TES: variants seen among roughly 807,000 people sequenced by gnomAD.
TES encodes the protein testin.
In TES, 41 loss-of-function variants were observed where a neutral mutation model predicts 48.2. The ratio of observed to expected loss-of-function variants is 0.85; its 90% CI spans 0.66 to 1.10. The LOEUF (loss-of-function observed/expected upper bound fraction) is 1.10. Ranked by LOEUF, TES falls within the 50% of genes least tolerant of loss-of-function variation. The pLI, the probability that TES is intolerant of heterozygous loss-of-function variation, is 0.00. For missense variants in TES, 463 were observed against 515.1 expected, an observed-to-expected ratio of 0.90 and a Z score of 0.98; for synonymous variants, 162 against 174.9, an observed-to-expected ratio of 0.93 and a Z score of 0.58.
At chr7:116,223,219 T>C (rs932110641) in intron 1 of TES, among the ~76,000 whole-genome samples, 1 of 152,184 alleles carries the variant, frequency 6.6e-6, no homozygotes, top group African/African-American at 2.4e-5. Context: ...CCTAATAATA[T>C]TGTAAGGTTA....
At chr7:116,223,292 A>G (rs774217184) in intron 1 of TES, among the ~76,000 whole-genome samples, 6 of 152,152 alleles carry the variant, frequency 3.9e-5, no homozygotes, top group South Asian at 2.1e-4. Context: ...TGTAAATACT[A>G]CCTAATTTGA....
At chr7:116,212,999 C>A (rs1319611398) in intron 1 of TES, among the ~76,000 whole-genome samples, 1 of 152,096 alleles carries the variant, frequency 6.6e-6, no homozygotes, top group African/African-American at 2.4e-5. Flanking sequence ...ATTAAAAAAC[C>A]GCAGAGATGT....
In TES at chr7:116,257,315, G is replaced by T; in HGVS notation, c.1099G>T (p.Ala367Ser). 6.2e-7 allele frequency: 1 copy of T among 1,612,094 alleles called. No homozygotes were observed. Among genetic ancestry groups the T allele is most frequent in the Non-Finnish European group, 8.5e-7 (1 of 1,179,212 alleles). The stretch of plus-strand genomic sequence containing the variant: ...ATAGGTGTGTCAAGGATGCCACAAT[G>T]CCATCGACCCAGAAGTGCAGCGGGT... Reference protein sequence around the residue: ...HAVVCQGCHNAIDPEVQRVTY... With the variant: ...HAVVCQGCHNSIDPEVQRVTY... The change falls in exon 7 of 7, where the codon GCC (alanine) becomes TCC (serine). Residue 367 changes from alanine (A) to serine (S), a missense_variant. Coordinates refer to ENST00000358204, the MANE Select transcript of TES (RefSeq NM_015641.4).
chr7:116,238,101 T>A (rs1485472174), intron 2 of TES: 1 of 152,196 alleles, frequency 6.6e-6, no homozygotes, highest in East Asian at 1.9e-4. Context: ...TTTTATCACC[T>A]TGTATACTTA....
At chr7:116,225,876 A>G (rs1424100034) in intron 1 of TES, among the ~76,000 whole-genome samples, 3 of 152,222 alleles carry the variant, frequency 2.0e-5, no homozygotes, top group Non-Finnish European at 4.4e-5. Flanking sequence ...TTTATGACCT[A>G]TCTTGAGGCA....
chr7:116,245,692 C>T (rs1179127547), intron 2 of TES, among the ~76,000 whole-genome samples: 4 of 152,122 alleles, frequency 2.6e-5, no homozygotes, highest in African/African-American at 7.2e-5. Context: ...CAGCACCACA[C>T]CCTTTAAAGT....
At chr7:116,215,601 T>A (rs1228759976) in intron 1 of TES, among the ~76,000 whole-genome samples, 1 of 152,162 alleles carries the variant, frequency 6.6e-6, no homozygotes, top group Non-Finnish European at 1.5e-5. Flanking sequence ...TCTCCCAACT[T>A]CCTGACTTTT....
intron 1 of TES, among the ~76,000 whole-genome samples, chr7:116,233,646 A>G (rs1484179718): frequency 6.6e-6 from 1 of 152,234 alleles, no homozygotes; most frequent in African/African-American, 2.4e-5. Context: ...AGATATAAGT[A>G]AAGTACTTAC....
At chr7:116,254,535 A>T (rs112016811) in intron 6 of TES, among the ~76,000 whole-genome samples, 50,078 of 151,884 alleles carry the variant, frequency 0.33, 8,635 homozygotes, top group East Asian at 0.58. Flanking sequence ...GGAGTTCGAG[A>T]CCAGCCTGGC....
chr7:116,254,756 ATATG>A (rs1339353488), intron 6 of TES, among the ~76,000 whole-genome samples: 3,346 of 143,154 alleles, frequency 0.023, 54 homozygotes, highest in East Asian at 0.074. Flanking sequence ...AAATATATAT[ATATG>A]TGTGTGTGTG....
chr7:116,248,208 C>T (rs1238195314), intron 2 of TES, among the ~76,000 whole-genome samples: 2 of 152,046 alleles, frequency 1.3e-5, no homozygotes, highest in Non-Finnish European at 2.9e-5. Flanking sequence ...TTTCTTTATC[C>T]AGTCTACCAT....
rs1023297092 is a variant in TES, at chr7:116,210,796, C to T, written c.27+62C>T. On this transcript the variant is annotated intron_variant, in intron 1 of 6. Transcript: ENST00000358204. ...CCTGCGCGGGTCGCGCGGCGCGCGG[C>T]GGCCGGAGGTGCCGAGGTGGGTGGG... is the stretch of plus-strand genomic sequence containing the variant. The T allele has an allele frequency of 9.0e-6, 11 of 1,223,580 alleles. No homozygotes were observed. In the African/African-American group the frequency reaches 9.5e-5, roughly 11 times the overall value. The allele number at this position is 1,223,580 out of a possible 1,614,324, so 75.8% of individuals were successfully genotyped here. A position where few individuals can be genotyped will look rare whatever the true frequency, so the allele number is the denominator to read the frequency against.
chr7:116,215,788 A>G (rs758747952), intron 1 of TES, among the ~76,000 whole-genome samples: 20 of 152,202 alleles, frequency 1.3e-4, no homozygotes, highest in Non-Finnish European at 2.6e-4. Flanking sequence ...CCTTACACAT[A>G]GCATGAGTAG....
intron 2 of TES, among the ~76,000 whole-genome samples, chr7:116,237,493 A>C (rs1410562481): frequency 2.0e-5 from 3 of 151,436 alleles, no homozygotes; most frequent in Non-Finnish European, 4.4e-5. Flanking sequence ...CCTTCCAAGC[A>C]CTCTATGATC....
chr7:116,226,343 A>T (rs768398440), intron 1 of TES, among the ~76,000 whole-genome samples: 1 of 152,186 alleles, frequency 6.6e-6, no homozygotes, highest in African/African-American at 2.4e-5. Flanking sequence ...TGCCAAGGGG[A>T]TAGTTAAAGA....
At chr7:116,216,146 T>G (rs1799491371) in intron 1 of TES, among the ~76,000 whole-genome samples, 1 of 152,144 alleles carries the variant, frequency 6.6e-6, no homozygotes, top group Non-Finnish European at 1.5e-5. Context: ...GATAAATTGG[T>G]AACATGGAAG....
chr7:116,241,236 A>G (rs571701785), intron 2 of TES, among the ~76,000 whole-genome samples: 3 of 152,326 alleles, frequency 2.0e-5, no homozygotes, highest in East Asian at 1.9e-4. Context: ...TAAAAGTAAA[A>G]TGTTTTAGTT....
intron 1 of TES, among the ~76,000 whole-genome samples, chr7:116,214,021 A>G (rs955701133): frequency 2.6e-5 from 4 of 152,156 alleles, no homozygotes; most frequent in African/African-American, 7.2e-5. Context: ...GAGAACTACA[A>G]TAATTTCCCT....
intron 2 of TES, among the ~76,000 whole-genome samples, chr7:116,245,756 T>C (rs189806379): frequency 8.1e-4 from 124 of 152,318 alleles, no homozygotes; most frequent in African/African-American, 2.8e-3. Flanking sequence ...AAGACATACC[T>C]GAGACTGAGT....
Sources: allele counts gnomAD v4.1 joint callset (sites outside exome capture counted in the v4.1 genomes callset), GRCh38; gene constraint gnomAD v4.1.1; transcripts MANE v1.5; gene names NCBI Gene and HGNC (gene_info 2026-07-23, HGNC 2026-07-21).